LIPG: variants seen among roughly 807,000 people sequenced by gnomAD.
The protein encoded by LIPG is lipase G, endothelial type.
A neutral mutation model predicts 51.8 loss-of-function variants in LIPG; 34 were observed. That is an observed-to-expected ratio of 0.66 (90% CI 0.50 to 0.87). The LOEUF is 0.87. Ranked by LOEUF, LIPG falls within the 40% of genes least tolerant of loss-of-function variation. LIPG has a pLI of 0.00. For missense variants in LIPG, 580 were observed against 652.7 expected, an observed-to-expected ratio of 0.89 and a Z score of 1.21; for synonymous variants, 246 against 246.1, an observed-to-expected ratio of 1.00 and a Z score of 0.00.
At chr18:49,575,854 T>C (rs1226753873) in intron 5 of LIPG, among the ~76,000 whole-genome samples, 2 of 151,802 alleles carry the variant, frequency 1.3e-5, no homozygotes, top group East Asian at 1.9e-4. Flanking sequence ...TTTTTTTTTT[T>C]TGAGAGGGAG....
chr18:49,584,896 A>G (rs897558385), intron 8 of LIPG, among the ~76,000 whole-genome samples: 4 of 152,234 alleles, frequency 2.6e-5, no homozygotes, highest in African/African-American at 9.6e-5. Flanking sequence ...ATAGTTTTCC[A>G]TTTGGGTTTA....
At position 49,595,395 on chromosome 18, in the gene LIPG, C is replaced by A. The variant is rs533909496; in HGVS notation, c.*4873C>A. The A allele has an allele frequency of 2.0e-5, 3 of 152,226 alleles. No individual in the cohort carries two copies. The highest frequency in any genetic ancestry group is 4.4e-5 in the Non-Finnish European group (3 of 68,020). The allele number at this position is 152,226 out of a possible 1,614,324, so 9.4% of individuals were successfully genotyped here. ...ATGTGAGTTTTAGGCTAAATACAGCCTTTCTGAGTCTCTATCTGCTCATTT... is the reference window on the plus strand; with the variant it reads ...ATGTGAGTTTTAGGCTAAATACAGCATTTCTGAGTCTCTATCTGCTCATTT... On this transcript the variant is annotated 3_prime_UTR_variant, in exon 10 of 10. Coordinates refer to ENST00000261292, the MANE Select transcript of LIPG (RefSeq NM_006033.4).
chr18:49,570,803 T>C (rs2084653685), intron 4 of LIPG, among the ~76,000 whole-genome samples: 2 of 152,178 alleles, frequency 1.3e-5, no homozygotes, highest in Admixed American at 6.5e-5. Flanking sequence ...CACTCCAGCC[T>C]GGGTGACAGA....
At chr18:49,563,869 G>A (rs1188017398) in intron 1 of LIPG, among the ~76,000 whole-genome samples, 1 of 152,166 alleles carries the variant, frequency 6.6e-6, no homozygotes, top group Admixed American at 6.5e-5. Context: ...TTGTCCATAT[G>A]TGGGTTTATC....
chr18:49,586,871 C>T (rs376904292), intron 9 of LIPG, 21 bp downstream of exon 9: 19 of 1,553,614 alleles, frequency 1.2e-5, no homozygotes, highest in East Asian at 4.5e-5. Context: ...CTTTCTCACA[C>T]GTTCCACCCA....
rs1007236604 is a variant in LIPG, at chr18:49,592,439, A to C, written c.*1917A>C. The C allele has an allele frequency of 5.3e-5, 8 of 152,240 alleles. No individual in the cohort carries two copies. Among genetic ancestry groups the C allele is most frequent in the African/African-American group, 1.9e-4 (8 of 41,456 alleles). The allele number at this position is 152,240 out of a possible 1,614,324, so 9.4% of individuals were successfully genotyped here. Reference sequence around the variant, plus strand: ...CCGAGCCTAAACACAAAATTCATTGATGTGTCAGTTACACCTTATCCACAT... The same window carrying C: ...CCGAGCCTAAACACAAAATTCATTGCTGTGTCAGTTACACCTTATCCACAT... On this transcript the variant is annotated 3_prime_UTR_variant, in exon 10 of 10. Transcript: ENST00000261292.
chr18:49,581,564 C>T lies in LIPG; in HGVS notation c.943C>T (p.Arg315Cys), dbSNP rs1477413888. ...GATCTGTCTGAGCTGCCGCAAGAAC[C>T]GTTGTAATAGCATTGGCTACAATGC... ...KGICLSCRKNRCNSIGYNAKK... is the reference protein window; with the variant it reads ...KGICLSCRKNCCNSIGYNAKK... Residue 315 changes from arginine to cysteine, a missense_variant, in exon 6 of 10, where the codon CGT becomes TGT. Arg to Cys is a radical substitution (Grantham distance 180, BLOSUM62 -3). Coordinates refer to ENST00000261292, the MANE Select transcript of LIPG (RefSeq NM_006033.4). The T allele has an allele frequency of 1.5e-5, 25 of 1,614,068 alleles. No homozygotes were observed. The highest frequency in any genetic ancestry group is 1.9e-5 in the Non-Finnish European group (22 of 1,180,048).
At position 49,565,464 on chromosome 18, in the gene LIPG, CA is replaced by C. The variant is rs1568525914; in HGVS notation, c.246del (p.Ala83LeufsTer12). On this transcript the variant is annotated frameshift_variant, in exon 2 of 10. Transcript: ENST00000261292. LOFTEE classifies it high-confidence loss of function. The stretch of plus-strand genomic sequence containing the variant: ...TTAGAAGACTGCAGTTTCAACATGA[CA>C]GCTAAAACCTTTTTCATCATTCACG... Reference protein sequence around the residue: ...QPLEDCSFNMTAKTFFIIHGW... With the variant: ...QPLEDCSFNMXAKTFFIIHGW... The C allele has an allele frequency of 6.2e-7, 1 of 1,614,256 alleles. No individual in the cohort carries two copies. Among genetic ancestry groups the C allele is most frequent in the South Asian group, 1.1e-5 (1 of 91,088 alleles).
intron 5 of LIPG, among the ~76,000 whole-genome samples, chr18:49,577,820 C>T (rs1428950220): frequency 9.9e-5 from 11 of 110,882 alleles, no homozygotes; most frequent in Non-Finnish European, 1.7e-4. Context: ...CCCTCCCGGA[C>T]GGGGCGGCTG....
intron 4 of LIPG, among the ~76,000 whole-genome samples, chr18:49,574,758 T>C (rs1447699757): frequency 1.3e-5 from 2 of 152,154 alleles, no homozygotes; most frequent in Non-Finnish European, 2.9e-5. Flanking sequence ...GGCTGCAAAA[T>C]AGAGGAATTC....
At chr18:49,586,617 G>A (rs2084882708) in intron 8 of LIPG, 129 bp from the exon 9 acceptor site, 3 of 718,950 alleles carry the variant, frequency 4.2e-6, no homozygotes, top group Non-Finnish European at 7.7e-6. Context: ...GAATTCTGAA[G>A]GCTTTTGAGT....
rs759983964 is a variant in LIPG, at chr18:49,581,474, C to G, written c.853C>G (p.Leu285Val). ...ERAVHLFVDS[L>V]VNQDKPSFAF... ...AGCCGTCCACCTCTTTGTTGACTCT[C>G]TGGTGAATCAGGACAAGCCGAGTTT... Residue 285 changes from leucine to valine, a missense_variant, in exon 6 of 10, where the codon CTG becomes GTG. Physicochemically the swap from Leu to Val is conservative, Grantham distance 32 (BLOSUM62 1). Coordinates refer to ENST00000261292, the MANE Select transcript of LIPG (RefSeq NM_006033.4). 5.6e-6 allele frequency: 9 copies of G among 1,614,190 alleles called. No individual in the cohort carries two copies. Among genetic ancestry groups the G allele is most frequent in the African/African-American group, 1.3e-5 (1 of 75,042 alleles).
intron 8 of LIPG, among the ~76,000 whole-genome samples, chr18:49,584,894 C>A (rs2084865688): frequency 6.6e-6 from 1 of 152,172 alleles, no homozygotes; most frequent in African/African-American, 2.4e-5. Flanking sequence ...AAATAGTTTT[C>A]CATTTGGGTT....
chr18:49,581,617 C>G lies in LIPG; in HGVS notation c.996C>G (p.Ser332Arg), dbSNP rs748093682. 1 of 1,614,158 alleles carries G rather than the reference C, an allele frequency of 6.2e-7. No homozygotes were observed. The highest frequency in any genetic ancestry group is 8.5e-7 in the Non-Finnish European group (1 of 1,180,040). Residue 332 changes from serine to arginine, a missense_variant, in exon 6 of 10, where the codon AGC becomes AGG. By Grantham distance (110) the Ser-to-Arg change is moderately radical. Transcript: ENST00000261292. The stretch of plus-strand genomic sequence containing the variant: ...AGAAAATGAGGAACAAGAGGAACAG[C>G]AAAATGTACCTAAAAACCCGGGCAG... ...NAKKMRNKRN[S>R]KMYLKTRAGM...
At chr18:49,569,344 C>T in intron 3 of LIPG, 93 bp from the exon 4 acceptor site, 8 of 1,063,756 alleles carry the variant, frequency 7.5e-6, no homozygotes, top group Non-Finnish European at 1.0e-5. Flanking sequence ...CCTGCATCTC[C>T]TCCTGCTCCG....
chr18:49,579,922 C>T (rs548296624), intron 5 of LIPG, among the ~76,000 whole-genome samples: 5 of 152,182 alleles, frequency 3.3e-5, no homozygotes, highest in Admixed American at 6.5e-5. Context: ...AAGTGATTCT[C>T]CTGCTTCAGC....
chr18:49,573,607 C>T (rs1686591681), intron 4 of LIPG, among the ~76,000 whole-genome samples: 1 of 151,910 alleles, frequency 6.6e-6, no homozygotes, highest in Admixed American at 6.6e-5. Context: ...AAAAAGTTAT[C>T]TAAATTTTTG....
At chr18:49,561,900 C>T (rs2084553476), upstream of LIPG, 7 of 1,328,070 alleles carry the variant, frequency 5.3e-6, no homozygotes, top group South Asian at 2.6e-5. Flanking sequence ...GGTGAGTGTG[C>T]AGCGCTTTCA....
chr18:49,574,279 A>G (rs2084692431), intron 4 of LIPG, among the ~76,000 whole-genome samples: 1 of 152,180 alleles, frequency 6.6e-6, no homozygotes, highest in Non-Finnish European at 1.5e-5. Context: ...GAATTAAGGT[A>G]TAAATTCAGG....
Sources: allele counts gnomAD v4.1 joint callset (sites outside exome capture counted in the v4.1 genomes callset), GRCh38; gene constraint gnomAD v4.1.1; transcripts MANE v1.5; gene names NCBI Gene and HGNC (gene_info 2026-07-23, HGNC 2026-07-21).